MAP2: variants seen among roughly 807,000 people sequenced by gnomAD.
MAP2 encodes microtubule associated protein 2, also known as microtubule-associated protein 2.
In MAP2, 14 loss-of-function variants were observed where a neutral mutation model predicts 137.6. That is an observed-to-expected ratio of 0.10 (90% CI 0.07 to 0.16). The LOEUF (loss-of-function observed/expected upper bound fraction) is 0.16, where lower values mean the gene tolerates loss of function less well. Among genes scored for constraint, MAP2 ranks in the 10% least tolerant of loss-of-function variants. The pLI is 1.00. For missense variants in MAP2, 2,088 were observed against 2,191.5 expected, an observed-to-expected ratio of 0.95 and a Z score of 0.94; for synonymous variants, 786 against 782.3, an observed-to-expected ratio of 1.00 and a Z score of -0.08.
In MAP2 at chr2:209,561,929, T is replaced by C. The variant is rs537103155; in HGVS notation, c.-171-18107T>C. 5.3e-5 allele frequency among the ~76,000 whole-genome samples: 8 copies of C among 152,288 alleles called. No individual in the cohort carries two copies. The East Asian group carries it at 1.5e-3, about 29-fold the overall frequency. On this transcript the variant is annotated intron_variant, in intron 2 of 15. Coordinates refer to ENST00000682079, the MANE Select transcript of MAP2 (RefSeq NM_001375505.1). ...AGTTGTGAAGGATCCAAAAATATAA[T>C]GATATAGTTCTCCGCAAGTAGCTAA...
rs1219463216 is a variant in MAP2, at chr2:209,653,236, A to G, written c.66A>G (p.Ala22=). The part of the protein sequence containing the change: ...PHWTSAPLTE[A]SAHSHPPEIK... ...GGACCTCAGCACCGCTAACAGAGGC[A>G]TCTGCACACTCACATCCACCTGAGA... is the stretch of plus-strand genomic sequence containing the variant. Residue 22 remains alanine (A), a synonymous_variant, in exon 5 of 16, where the codon GCA becomes GCG. Coordinates refer to ENST00000682079, the MANE Select transcript of MAP2 (RefSeq NM_001375505.1). The G allele has an allele frequency of 1.9e-6, 3 of 1,614,152 alleles. No homozygotes were observed. The highest frequency in any genetic ancestry group is 2.5e-6 in the Non-Finnish European group (3 of 1,180,016).
chr2:209,593,864 A>AAG (rs2080380729), intron 3 of MAP2, among the ~76,000 whole-genome samples: 6 of 112,624 alleles, frequency 5.3e-5, no homozygotes, highest in South Asian at 2.4e-4. Flanking sequence ...TAAAATATAT[A>AAG]TTTATATTAT....
At position 209,438,454 on chromosome 2, in the gene MAP2, T is replaced by G. The variant is rs993975611; in HGVS notation, c.-222+14178T>G. ...GTATTCATGACTTTGTATCTTGTGA[T>G]TAAAACATAGTTTATTGTGTAAATA... On this transcript the variant is annotated intron_variant, in intron 1 of 15. Transcript: ENST00000682079. Among the ~76,000 whole-genome samples the G allele has an allele frequency of 7.2e-5, 11 of 151,834 alleles. No homozygotes were observed. The East Asian group carries it at 2.1e-3, about 29-fold the overall frequency.
rs1322479058 is a variant in MAP2 at position 209,629,593 on chromosome 2, C to T, written c.-30+4464C>T. On this transcript the variant is annotated intron_variant, in intron 4 of 15. Transcript: ENST00000682079. ...CACTCTGTGTGAATAATTTTAAAGGCAGATTAAGCATTCTAAAAATAAATT... is the reference window on the plus strand; with the variant it reads ...CACTCTGTGTGAATAATTTTAAAGGTAGATTAAGCATTCTAAAAATAAATT... 5.9e-5 allele frequency among the ~76,000 whole-genome samples: 9 copies of T among 152,170 alleles called. No individual in the cohort carries two copies. The East Asian group carries it at 1.7e-3, about 29-fold the overall frequency.
At chr2:209,441,841 G>A (rs924503271) in intron 1 of MAP2, among the ~76,000 whole-genome samples, 6 of 151,532 alleles carry the variant, frequency 4.0e-5, no homozygotes, top group African/African-American at 1.5e-4. Flanking sequence ...TGGAACTTAG[G>A]AAGTTACTAC....
intron 1 of MAP2, among the ~76,000 whole-genome samples, chr2:209,465,013 T>A (rs1304449570): frequency 2.0e-5 from 3 of 152,120 alleles, no homozygotes; most frequent in Non-Finnish European, 4.4e-5. Flanking sequence ...TTCTTCTCAA[T>A]GCTGCACGCA....
chr2:209,550,095 A>G (rs922238761), intron 2 of MAP2, among the ~76,000 whole-genome samples: 1 of 152,194 alleles, frequency 6.6e-6, no homozygotes, highest in Admixed American at 6.6e-5. Flanking sequence ...CCTTATTGTC[A>G]ATCCCGGGGG....
At chr2:209,721,324 G>A (rs1259815662) in intron 13 of MAP2, among the ~76,000 whole-genome samples, 2 of 152,110 alleles carry the variant, frequency 1.3e-5, no homozygotes, top group Admixed American at 1.3e-4. Flanking sequence ...CATTTTAGAT[G>A]AAAAAATTAT....
At chr2:209,711,747 G>T (rs543507850) in intron 13 of MAP2, among the ~76,000 whole-genome samples, 1 of 151,984 alleles carries the variant, frequency 6.6e-6, no homozygotes, top group Non-Finnish European at 1.5e-5. Context: ...AAAGTGTAAG[G>T]TGAATAAAAT....
In MAP2 at chr2:209,693,322, C is replaced by T; in HGVS notation, c.1152C>T (p.Pro384=). The part of the protein sequence containing the change: ...AKPDKMAEAP[P]SEAMTLPKDA... ...CTGACAAAATGGCAGAAGCACCACC[C>T]TCAGAGGCAATGACCTTACCCAAAG... Residue 384 remains proline (P), a synonymous_variant, in exon 8 of 16, where the codon CCC becomes CCT. Transcript: ENST00000682079. 1.9e-6 allele frequency: 3 copies of T among 1,613,770 alleles called. No homozygotes were observed. Among genetic ancestry groups the T allele is most frequent in the African/African-American group, 1.3e-5 (1 of 74,990 alleles).
intron 13 of MAP2, 156 bp downstream of exon 13, chr2:209,710,410 G>A (rs998254641): frequency 1.5e-6 from 1 of 662,900 alleles, no homozygotes; most frequent in African/African-American, 1.8e-5. Flanking sequence ...TAGGAAGATA[G>A]CCTCTGAAAT....
At chr2:209,688,196 A>G (rs2153703835) in intron 7 of MAP2, among the ~76,000 whole-genome samples, 1 of 152,266 alleles carries the variant, frequency 6.6e-6, no homozygotes, top group East Asian at 1.9e-4. Context: ...GCTTCTGAGA[A>G]GGAAGAAAAA....
In MAP2 at chr2:209,678,767, G is replaced by A. The variant is rs530713775; in HGVS notation, c.376+82G>A. ...TAAAGTCTTCATGTTCAAAAGATAG[G>A]CCATATCTTGTACTTCATCCTTACA... On this transcript the variant is annotated intron_variant, in intron 6 of 15. Coordinates refer to ENST00000682079, the MANE Select transcript of MAP2 (RefSeq NM_001375505.1). 34 of 711,214 alleles carry A rather than the reference G, an allele frequency of 4.8e-5. No homozygotes were observed. In the African/African-American group the frequency reaches 5.3e-4, roughly 11 times the overall value. The allele number at this position is 711,214 out of a possible 1,614,324, so 44.1% of individuals were successfully genotyped here.
chr2:209,673,060 C>G (rs1482649537), intron 5 of MAP2, among the ~76,000 whole-genome samples: 1 of 151,786 alleles, frequency 6.6e-6, no homozygotes, highest in Non-Finnish European at 1.5e-5. Flanking sequence ...GAAAAGTTTT[C>G]AAGACAGATT....
intron 5 of MAP2, among the ~76,000 whole-genome samples, chr2:209,665,602 T>A (rs2045958043): frequency 6.6e-6 from 1 of 152,192 alleles, no homozygotes; most frequent in African/African-American, 2.4e-5. Flanking sequence ...ACCAGTATCG[T>A]CTTGGAAAGA....
chr2:209,563,558 C>T (rs780392902), intron 2 of MAP2, among the ~76,000 whole-genome samples: 2 of 152,042 alleles, frequency 1.3e-5, no homozygotes, highest in South Asian at 2.1e-4. Flanking sequence ...AACCCACCCC[C>T]GTATACTTCT....
At chr2:209,440,076 C>G (rs1182952158) in intron 1 of MAP2, among the ~76,000 whole-genome samples, 2 of 151,514 alleles carry the variant, frequency 1.3e-5, no homozygotes, top group East Asian at 1.9e-4. Flanking sequence ...GAAACATTCA[C>G]TAATTTCAGT....
chr2:209,515,058 C>T (rs905693451), intron 2 of MAP2, among the ~76,000 whole-genome samples: 1 of 152,134 alleles, frequency 6.6e-6, no homozygotes, highest in Admixed American at 6.6e-5. Context: ...CCATAACAAA[C>T]CGACATGGAT....
At chr2:209,689,495 C>A (rs1374682579) in intron 7 of MAP2, among the ~76,000 whole-genome samples, 1 of 151,996 alleles carries the variant, frequency 6.6e-6, no homozygotes, top group Non-Finnish European at 1.5e-5. Flanking sequence ...CTCTCTAATT[C>A]CTTAAGTGAC....
Sources: gnomAD v4.1 joint callset for allele counts (sites outside exome capture counted in the v4.1 genomes callset) on GRCh38, gnomAD v4.1.1 for gene constraint, MANE v1.5 for transcripts, NCBI Gene and HGNC (gene_info 2026-07-23, HGNC 2026-07-21) for gene names.